HSDL2: variants seen among roughly 807,000 people sequenced by gnomAD.
The protein encoded by HSDL2 is hydroxysteroid dehydrogenase-like protein 2.
HSDL2 carries 27 observed loss-of-function variants against 46.3 expected under a neutral mutation model. The ratio of observed to expected loss-of-function variants is 0.58; its 90% CI spans 0.43 to 0.80. The LOEUF (loss-of-function observed/expected upper bound fraction) is 0.80. Ranked by LOEUF, HSDL2 falls within the 30% of genes least tolerant of loss-of-function variation. The probability of loss-of-function intolerance (pLI) is 0.00; values close to 1 mark genes in which losing one functional copy is unlikely to be tolerated. For missense variants in HSDL2, 451 were observed against 502.7 expected (o/e 0.90, Z 0.98); for synonymous variants, 153 against 163.6 (o/e 0.94, Z 0.50).
At chr9:112,426,706 G>A (rs1791571969) in intron 6 of HSDL2, among the ~76,000 whole-genome samples, 1 of 152,148 alleles carries the variant, frequency 6.6e-6, no homozygotes, top group South Asian at 2.1e-4. Context: ...TAAAGAACCA[G>A]TCCCTCGAAA....
intron 1 of HSDL2, among the ~76,000 whole-genome samples, chr9:112,398,689 C>G (rs1433414219): frequency 6.6e-6 from 1 of 152,020 alleles, no homozygotes; most frequent in Non-Finnish European, 1.5e-5. Flanking sequence ...ACAGCACTTA[C>G]CAAGGCCCAA....
At chr9:112,430,915 G>A (rs1003505779) in intron 6 of HSDL2, among the ~76,000 whole-genome samples, 2 of 151,918 alleles carry the variant, frequency 1.3e-5, no homozygotes, top group African/African-American at 4.8e-5. Flanking sequence ...AGCCTGGCAT[G>A]GTGACGCGTG....
At chr9:112,434,389 G>C (rs1832471351) in intron 6 of HSDL2, among the ~76,000 whole-genome samples, 1 of 152,192 alleles carries the variant, frequency 6.6e-6, no homozygotes, top group Non-Finnish European at 1.5e-5. Context: ...TAACCAGGGA[G>C]GGTGAGGCGA....
At chr9:112,385,323 T>TTTTA (rs1831192706) in intron 1 of HSDL2, among the ~76,000 whole-genome samples, 5 of 152,104 alleles carry the variant, frequency 3.3e-5, no homozygotes, top group Admixed American at 2.0e-4. Context: ...AGTTTTTAAG[T>TTTTA]TTTATTTATT....
intron 1 of HSDL2, among the ~76,000 whole-genome samples, chr9:112,381,963 C>G (rs1360444050): frequency 1.3e-5 from 2 of 152,138 alleles, no homozygotes; most frequent in Non-Finnish European, 2.9e-5. Context: ...TGTGGCTGGG[C>G]ACAGTGGCTC....
intron 8 of HSDL2, among the ~76,000 whole-genome samples, chr9:112,444,681 T>C (rs1173524425): frequency 6.6e-6 from 1 of 151,566 alleles, no homozygotes; most frequent in Non-Finnish European, 1.5e-5. Context: ...GAGGTTGTAA[T>C]GAGCTATGAT....
At chr9:112,467,134 G>A (rs924838346) in intron 10 of HSDL2, among the ~76,000 whole-genome samples, 1 of 152,146 alleles carries the variant, frequency 6.6e-6, no homozygotes, top group Admixed American at 6.5e-5. Flanking sequence ...TCACAGCAGC[G>A]CTATTCACAA....
intron 10 of HSDL2, among the ~76,000 whole-genome samples, chr9:112,468,186 C>T (rs80063077): frequency 6.6e-6 from 1 of 152,032 alleles, no homozygotes; most frequent in South Asian, 2.1e-4. Flanking sequence ...CCTGTCCTTT[C>T]TGAAAGTTTT....
intron 10 of HSDL2, chr9:112,469,666 CAA>C (rs398046829): frequency 0.01 from 542 of 52,532 alleles, 3 homozygotes; most frequent in African/African-American, 0.037. Flanking sequence ...GACCTTGTCT[CAA>C]AAAAAAAAAA....
chr9:112,382,251 TGA>T (rs1410020879), intron 1 of HSDL2, among the ~76,000 whole-genome samples: 2 of 151,826 alleles, frequency 1.3e-5, no homozygotes, highest in Non-Finnish European at 2.9e-5. Context: ...CGAGAGAGAG[TGA>T]GAGTCTGTCT....
Position 112,441,297 on chromosome 9 carries a change from A to G in HSDL2, c.794-402A>G, listed in dbSNP as rs1234590962. Among the ~76,000 whole-genome samples the G allele has an allele frequency of 2.6e-5, 4 of 152,082 alleles. No individual in the cohort carries two copies. The East Asian group carries it at 7.7e-4, about 29-fold the overall frequency. ...AAGAGGGAAAGAGAGAAGAGACCCAAGTGCACTAATGCTGAGAAGAAAGTC... is the reference window on the plus strand; with the variant it reads ...AAGAGGGAAAGAGAGAAGAGACCCAGGTGCACTAATGCTGAGAAGAAAGTC... On this transcript the variant is annotated intron_variant, in intron 7 of 10. Transcript: ENST00000398805.
chr9:112,380,115 T>C lies in HSDL2; in HGVS notation c.-49T>C, dbSNP rs1267850097. On this transcript the variant is annotated 5_prime_UTR_variant, in exon 1 of 11. Transcript: ENST00000398805. ...GAGGGACGGTCCAGCTTTAGCTCTC[T>C]GCTCGCCGCCGCCGCTGTCGCCGCC... The C allele has an allele frequency of 2.6e-6, 4 of 1,522,226 alleles. No individual in the cohort carries two copies. In the East Asian group the frequency reaches 9.8e-5, roughly 37 times the overall value. The allele number at this position is 1,522,226 out of a possible 1,614,324, so 94.3% of individuals were successfully genotyped here.
rs147218701 is a variant in HSDL2 at position 112,455,276 on chromosome 9, G to A, written c.1015+1114G>A. 4.8e-5 allele frequency among the ~76,000 whole-genome samples: 7 copies of A among 147,284 alleles called. No individual in the cohort carries two copies. The East Asian group carries it at 1.4e-3, about 30-fold the overall frequency. On this transcript the variant is annotated intron_variant, in intron 9 of 10. Transcript: ENST00000398805. ...AAAAGTTAAGAAACAGATAAAATTC[G>A]TGTTAAAAAAAAAAAGGCTACCTCA...
intron 5 of HSDL2, among the ~76,000 whole-genome samples, chr9:112,417,704 G>C (rs1181444662): frequency 6.6e-6 from 1 of 151,824 alleles, no homozygotes; most frequent in African/African-American, 2.4e-5. Flanking sequence ...TAATTGACTA[G>C]GTTAAATACA....
chr9:112,416,474 G>C (rs1012241143), intron 4 of HSDL2, among the ~76,000 whole-genome samples: 1 of 151,490 alleles, frequency 6.6e-6, no homozygotes, highest in East Asian at 1.9e-4. Context: ...GCTGGTCGCA[G>C]TGGTTCACAC....
rs138516933 is a variant in HSDL2, at chr9:112,400,083, C to T, written c.18-3912C>T. Reference sequence around the variant, plus strand: ...CGCGGCTCCAGCTGGTCCCTCCGTTCGGGGTCCCTGACTTCCCGCAACAAG... The same window carrying T: ...CGCGGCTCCAGCTGGTCCCTCCGTTTGGGGTCCCTGACTTCCCGCAACAAG... On this transcript the variant is annotated intron_variant, in intron 1 of 10. Transcript: ENST00000398805. 3.1e-3 allele frequency among the ~76,000 whole-genome samples: 469 copies of T among 152,274 alleles called. 2 individuals carry two copies. Among genetic ancestry groups the T allele is most frequent in the African/African-American group, 0.01 (428 of 41,568 alleles).
intron 4 of HSDL2, among the ~76,000 whole-genome samples, chr9:112,414,467 G>C (rs958843937): frequency 6.6e-6 from 1 of 152,108 alleles, no homozygotes. Flanking sequence ...TCTAAGTGTG[G>C]TGCTAAGAGT....
intron 1 of HSDL2, 123 bp from the exon 2 acceptor site, chr9:112,403,872 A>G: frequency 1.1e-6 from 1 of 911,282 alleles, no homozygotes; most frequent in East Asian, 2.5e-5. Flanking sequence ...GGGCATGGGG[A>G]GGGTTTAGAG....
At chr9:112,416,455 AAG>A (rs1467941204) in intron 4 of HSDL2, among the ~76,000 whole-genome samples, 1 of 151,300 alleles carries the variant, frequency 6.6e-6, no homozygotes, top group Non-Finnish European at 1.5e-5. Context: ...AACAAAAAAA[AAG>A]AAGTTGGCTG....
Sources: allele counts gnomAD v4.1 joint callset (sites outside exome capture counted in the v4.1 genomes callset), GRCh38; gene constraint gnomAD v4.1.1; transcripts MANE v1.5; gene names NCBI Gene and HGNC (gene_info 2026-07-23, HGNC 2026-07-21).